Variants in MYO3B observed in about 807,000 individuals in gnomAD.
MYO3B encodes the protein myosin IIIB, also known as myosin-IIIb.
In MYO3B, 156 loss-of-function variants were observed where a neutral mutation model predicts 174.6. That is an observed-to-expected ratio of 0.89 (90% CI 0.78 to 1.02). The LOEUF is 1.02. MYO3B is among the 50% of genes least tolerant of loss of function. The pLI is 0.00. For synonymous variants in MYO3B, 563 were observed against 569.1 expected, an observed-to-expected ratio of 0.99 and a Z score of 0.15; for missense variants, 1,632 against 1,639.4, an observed-to-expected ratio of 1.00 and a Z score of 0.08.
intron 30 of MYO3B, among the ~76,000 whole-genome samples, chr2:170,531,198 A>G (rs1689330827): frequency 6.6e-6 from 1 of 152,230 alleles, no homozygotes; most frequent in Admixed American, 6.5e-5. Flanking sequence ...GAGTGATGAC[A>G]GACATGTAGA....
In MYO3B at chr2:170,200,144, GT is replaced by G. The variant is rs1290241827; in HGVS notation, c.187-3del. The G allele has an allele frequency of 6.2e-6, 10 of 1,610,758 alleles. No homozygotes were observed. Among genetic ancestry groups the G allele is most frequent in the Non-Finnish European group, 8.5e-6 (10 of 1,178,474 alleles). On this transcript the variant is annotated splice_polypyrimidine_tract_variant and splice_region_variant and intron_variant, in intron 2 of 34. Coordinates refer to ENST00000408978, the MANE Select transcript of MYO3B (RefSeq NM_138995.5). ...AATCCAGCTTGCATTTTTCTACCCT[GT>G]TTAGGATATGGATGAAGAAATTGAG... is the stretch of plus-strand genomic sequence containing the variant.
At chr2:170,559,994 C>A (rs1691601057) in intron 32 of MYO3B, among the ~76,000 whole-genome samples, 1 of 152,174 alleles carries the variant, frequency 6.6e-6, no homozygotes. Flanking sequence ...AAAAATAAGA[C>A]TCCAGATTAT....
intron 20 of MYO3B, 120 bp downstream of exon 20, chr2:170,404,520 A>G: frequency 1.1e-6 from 1 of 917,492 alleles, no homozygotes; most frequent in Non-Finnish European, 1.6e-6. Flanking sequence ...GTTTGTAAGA[A>G]TATAGGCCTT....
At chr2:170,400,347 G>A in intron 17 of MYO3B, 33 bp downstream of exon 17, 3 of 1,609,466 alleles carry the variant, frequency 1.9e-6, no homozygotes, top group Non-Finnish European at 2.5e-6. Context: ...CTGTGTTGTT[G>A]CCAAAGCACG....
At chr2:170,294,812 A>G (rs1020409967) in intron 7 of MYO3B, among the ~76,000 whole-genome samples, 5 of 152,122 alleles carry the variant, frequency 3.3e-5, no homozygotes, top group Non-Finnish European at 5.9e-5. Context: ...TGATGTGTCA[A>G]TGTAGGTTCA....
At chr2:170,330,692 C>A (rs567214751) in intron 7 of MYO3B, among the ~76,000 whole-genome samples, 2 of 152,260 alleles carry the variant, frequency 1.3e-5, no homozygotes, top group South Asian at 4.1e-4. Flanking sequence ...AGGTTTAAAT[C>A]ATGATTTATT....
chr2:170,369,523 GC>G, intron 9 of MYO3B, 146 bp downstream of exon 9: 1 of 876,376 alleles, frequency 1.1e-6, no homozygotes, highest in Non-Finnish European at 1.7e-6. Flanking sequence ...AGTACTCCAT[GC>G]CCAGTGGATG....
intron 9 of MYO3B, among the ~76,000 whole-genome samples, chr2:170,373,687 A>T (rs2094265325): frequency 6.6e-6 from 1 of 152,086 alleles, no homozygotes; most frequent in Non-Finnish European, 1.5e-5. Context: ...AGCAAGAGGG[A>T]GTGGGTCAGG....
At chr2:170,533,272 G>A (rs13418199) in intron 30 of MYO3B, among the ~76,000 whole-genome samples, 7,674 of 152,028 alleles carry the variant, frequency 0.05, 614 homozygotes, top group African/African-American at 0.17. Context: ...CTCCTCTCAC[G>A]CCCCCTCCCT....
intron 7 of MYO3B, among the ~76,000 whole-genome samples, chr2:170,270,005 A>G (rs1199976770): frequency 6.6e-6 from 1 of 152,190 alleles, no homozygotes; most frequent in African/African-American, 2.4e-5. Flanking sequence ...GTTCCAAAAC[A>G]GTGTTAAAGG....
intron 24 of MYO3B, among the ~76,000 whole-genome samples, chr2:170,465,297 G>A (rs1295089976): frequency 6.6e-6 from 1 of 152,158 alleles, no homozygotes; most frequent in East Asian, 1.9e-4. Context: ...CATAGAGCAG[G>A]CGTGTTACAT....
intron 30 of MYO3B, among the ~76,000 whole-genome samples, chr2:170,527,023 C>T (rs550821951): frequency 3.0e-4 from 45 of 152,326 alleles, no homozygotes; most frequent in African/African-American, 1.0e-3. Context: ...TATCTGTTCA[C>T]GCTATTCCAT....
intron 32 of MYO3B, among the ~76,000 whole-genome samples, chr2:170,625,320 T>C (rs892995738): frequency 3.3e-5 from 5 of 152,244 alleles, no homozygotes; most frequent in African/African-American, 9.6e-5. Flanking sequence ...GAGGTATTTA[T>C]CCATTTCTTC....
intron 29 of MYO3B, among the ~76,000 whole-genome samples, chr2:170,515,300 G>A (rs979589895): frequency 1.3e-5 from 2 of 152,200 alleles, no homozygotes; most frequent in Admixed American, 6.5e-5. Flanking sequence ...TCTAGTTGCA[G>A]CTCTCCTTAC....
chr2:170,517,227 T>G (rs954587841), intron 29 of MYO3B, among the ~76,000 whole-genome samples: 2 of 152,236 alleles, frequency 1.3e-5, no homozygotes, highest in Admixed American at 6.5e-5. Flanking sequence ...GGTTTTATAC[T>G]TCAAATAACT....
chr2:170,564,038 G>A (rs1012866694), intron 32 of MYO3B, among the ~76,000 whole-genome samples: 1 of 152,206 alleles, frequency 6.6e-6, no homozygotes, highest in Non-Finnish European at 1.5e-5. Context: ...AGGCACATGT[G>A]CCCAGGGCAT....
chr2:170,257,310 A>C (rs145619690), intron 7 of MYO3B, among the ~76,000 whole-genome samples: 1 of 152,126 alleles, frequency 6.6e-6, no homozygotes, highest in Non-Finnish European at 1.5e-5. Context: ...CATACAGAAC[A>C]TACTCTGATC....
chr2:170,227,278 A>T (rs1214695979), intron 6 of MYO3B, among the ~76,000 whole-genome samples: 2 of 151,976 alleles, frequency 1.3e-5, no homozygotes, highest in African/African-American at 4.8e-5. Context: ...TATTTCTCAT[A>T]CTTTTTTGTG....
chr2:170,329,168 A>G (rs979507683), intron 7 of MYO3B, among the ~76,000 whole-genome samples: 1 of 151,252 alleles, frequency 6.6e-6, no homozygotes, highest in East Asian at 1.9e-4. Context: ...AAAAAATACT[A>G]CTACTACTAA....
Sources: allele counts gnomAD v4.1 joint callset (sites outside exome capture counted in the v4.1 genomes callset), GRCh38; gene constraint gnomAD v4.1.1; transcripts MANE v1.5; gene names NCBI Gene and HGNC (gene_info 2026-07-23, HGNC 2026-07-21).